Variants in ABLIM1 observed in about 807,000 individuals in gnomAD.
The protein encoded by ABLIM1 is actin-binding LIM protein 1.
ABLIM1 carries 40 observed loss-of-function variants against 107.0 expected under a neutral mutation model. The observed-to-expected ratio is 0.37, with a 90% confidence interval of 0.29 to 0.49. The LOEUF is 0.49. Ranked by LOEUF, ABLIM1 falls within the 20% of genes least tolerant of loss-of-function variation. The pLI, the probability that ABLIM1 is intolerant of heterozygous loss-of-function variation, is 0.97. For missense variants in ABLIM1, 857 were observed against 1,008.5 expected, an observed-to-expected ratio of 0.85 and a Z score of 2.04; for synonymous variants, 357 against 357.3, an observed-to-expected ratio of 1.00 and a Z score of 0.01.
chr10:114,713,678 C>T (rs957226), intron 1 of ABLIM1, among the ~76,000 whole-genome samples: 186 of 152,310 alleles, frequency 1.2e-3, no homozygotes, highest in Non-Finnish European at 2.3e-3. Context: ...CTCCCCATTT[C>T]AATCAGCCAA....
chr10:114,540,422 C>T (rs2066513402), intron 6 of ABLIM1, among the ~76,000 whole-genome samples: 1 of 152,208 alleles, frequency 6.6e-6, no homozygotes, highest in African/African-American at 2.4e-5. Flanking sequence ...GGCTGCCACC[C>T]AGAGCCTTTT....
At position 114,703,123 on chromosome 10, in the gene ABLIM1, T is replaced by A. The variant is rs865900938; in HGVS notation, c.-213+64938A>T. 1.7e-4 allele frequency among the ~76,000 whole-genome samples: 26 copies of A among 152,306 alleles called. 1 individual carries two copies. In the Middle Eastern group the frequency reaches 0.017, roughly 100 times the overall value. On this transcript the variant is annotated intron_variant, in intron 1 of 15. Coordinates refer to the ABLIM1 transcript ENST00000651092. ...AACTTAATAGTTTTGATACATGGAA[T>A]CGCCTTTGTAAAATACTCTGAGTTT... is the stretch of plus-strand genomic sequence containing the variant.
At chr10:114,561,111 T>C (rs1565937728) in intron 4 of ABLIM1, among the ~76,000 whole-genome samples, 1 of 152,262 alleles carries the variant, frequency 6.6e-6, no homozygotes, top group Non-Finnish European at 1.5e-5. Flanking sequence ...TTCCCTAATG[T>C]AGGTGTAAAC....
intron 2 of ABLIM1, among the ~76,000 whole-genome samples, chr10:114,585,463 G>GT: frequency 6.6e-6 from 1 of 152,116 alleles, no homozygotes. Context: ...TTAGCATGGG[G>GT]TCTATTATCC....
chr10:114,652,091 G>A (rs2079275539), intron 1 of ABLIM1, among the ~76,000 whole-genome samples: 1 of 152,216 alleles, frequency 6.6e-6, no homozygotes, highest in African/African-American at 2.4e-5. Flanking sequence ...TCTCTCAAAT[G>A]TAATAGAGGG....
At chr10:114,749,834 T>A (rs1416049436) in intron 1 of ABLIM1, among the ~76,000 whole-genome samples, 1 of 152,100 alleles carries the variant, frequency 6.6e-6, no homozygotes, top group Non-Finnish European at 1.5e-5. Context: ...GATACTCCCA[T>A]AGCTCGCTTT....
intron 7 of ABLIM1, 134 bp from the exon 8 acceptor site, chr10:114,488,150 G>T: frequency 1.1e-6 from 1 of 931,592 alleles, no homozygotes. Flanking sequence ...ATGTCCAAGT[G>T]AATCATAACA....
At chr10:114,736,666 A>G (rs558864395) in intron 1 of ABLIM1, among the ~76,000 whole-genome samples, 76 of 152,344 alleles carry the variant, frequency 5.0e-4, no homozygotes, top group African/African-American at 1.7e-3. Context: ...CAACATATAG[A>G]GAGAAATATT....
intron 2 of ABLIM1, among the ~76,000 whole-genome samples, chr10:114,589,994 C>T (rs1305052017): frequency 6.6e-6 from 1 of 152,112 alleles, no homozygotes; most frequent in Non-Finnish European, 1.5e-5. Context: ...GGTAAGTGAC[C>T]TATACTGGTG....
At chr10:114,796,751 T>C in the ABLIM1 span, among the ~76,000 whole-genome samples, 1 of 152,150 alleles carries the variant, frequency 6.6e-6, no homozygotes, top group African/African-American at 2.4e-5. Flanking sequence ...AGACCTTGCT[T>C]TTCCACTGTC....
chr10:114,641,247 T>TAAA (rs35168530), intron 1 of ABLIM1, among the ~76,000 whole-genome samples: 994 of 37,076 alleles, frequency 0.027, 103 homozygotes, highest in Middle Eastern at 0.04. Context: ...AAGCCAATCA[T>TAAA]AAAAAAAAAA....
At chr10:114,633,233 G>C (rs1272044222) in intron 1 of ABLIM1, among the ~76,000 whole-genome samples, 2 of 152,180 alleles carry the variant, frequency 1.3e-5, no homozygotes, top group Non-Finnish European at 2.9e-5. Flanking sequence ...GAACCGAAAG[G>C]AATGAAGTCA....
intron 4 of ABLIM1, among the ~76,000 whole-genome samples, chr10:114,556,041 TG>T (rs2068685023): frequency 6.6e-6 from 1 of 152,124 alleles, no homozygotes; most frequent in African/African-American, 2.4e-5. Flanking sequence ...TACAGTACTT[TG>T]TCCCTGGCCA....
chr10:114,446,938 T>A (rs1229879804), intron 15 of ABLIM1, among the ~76,000 whole-genome samples: 1 of 152,196 alleles, frequency 6.6e-6, no homozygotes, highest in Non-Finnish European at 1.5e-5. Context: ...AATAATGAAC[T>A]TAGGAGGTAG....
At chr10:114,720,904 G>A (rs1256548420) in intron 1 of ABLIM1, among the ~76,000 whole-genome samples, 1 of 152,164 alleles carries the variant, frequency 6.6e-6, no homozygotes, top group East Asian at 1.9e-4. Context: ...ATAACTACTG[G>A]TGTCTAAATA....
chr10:114,731,696 A>C lies in ABLIM1; in HGVS notation c.-213+36365T>G, dbSNP rs897914169. Among the ~76,000 whole-genome samples the C allele has an allele frequency of 1.3e-4, 19 of 150,320 alleles. No individual in the cohort carries two copies. The East Asian group carries it at 1.8e-3, about 14-fold the overall frequency. ...CAAACCTTGGCTCACTGCAACCTCC[A>C]CCTCCTAGGTTCAAGCGATTCTCCT... On this transcript the variant is annotated intron_variant, in intron 1 of 15. Coordinates refer to the ABLIM1 transcript ENST00000651092.
At chr10:114,550,819 A>T (rs530614973) in intron 4 of ABLIM1, among the ~76,000 whole-genome samples, 73 of 152,270 alleles carry the variant, frequency 4.8e-4, no homozygotes, top group African/African-American at 1.7e-3. Flanking sequence ...TCTAACTGAA[A>T]TTTTTCTTTA....
chr10:114,441,199 A>AT (rs939159937), intron 18 of ABLIM1, 122 bp from the exon 19 acceptor site: 10,948 of 943,774 alleles, frequency 0.012, 1 homozygote, highest in Middle Eastern at 0.014. Flanking sequence ...TCAGACCTTC[A>AT]TTTTTTTTTT....
At chr10:114,594,956 T>C (rs1015134011) in intron 2 of ABLIM1, 3 of 152,120 alleles carry the variant, frequency 2.0e-5, no homozygotes, top group African/African-American at 7.2e-5. Context: ...TAATACAATG[T>C]ATTAAATGAT....
Sources: gnomAD v4.1 joint callset for allele counts (sites outside exome capture counted in the v4.1 genomes callset) on GRCh38, gnomAD v4.1.1 for gene constraint, MANE v1.5 for transcripts, NCBI Gene and HGNC (gene_info 2026-07-23, HGNC 2026-07-21) for gene names.